The following ZC3H12C variants were observed in gnomAD, a reference collection of about 807,000 sequenced individuals.
ZC3H12C encodes zinc finger CCCH-type containing 12C.
A neutral mutation model predicts 76.3 loss-of-function variants in ZC3H12C; 20 were observed. The observed-to-expected ratio is 0.26, with a 90% confidence interval of 0.18 to 0.38. The LOEUF (loss-of-function observed/expected upper bound fraction) is 0.38, where lower values mean the gene tolerates loss of function less well. Ranked by LOEUF, ZC3H12C falls within the 10% of genes least tolerant of loss-of-function variation. ZC3H12C has a pLI of 1.00. For missense variants in ZC3H12C, 874 were observed against 1,086.5 expected, an observed-to-expected ratio of 0.80 and a Z score of 2.75; for synonymous variants, 352 against 399.6, an observed-to-expected ratio of 0.88 and a Z score of 1.42.
chr11:110,131,859 G>A (rs796512696), intron 1 of ZC3H12C: 8 of 152,348 alleles, frequency 5.3e-5, no homozygotes, highest in African/African-American at 1.9e-4. Context: ...ATATGCATAA[G>A]TCTATTGAAA....
intron 2 of ZC3H12C, among the ~76,000 whole-genome samples, chr11:110,142,372 C>T (rs149087026): frequency 6.8e-4 from 104 of 152,182 alleles, no homozygotes; most frequent in Admixed American, 1.2e-3. Flanking sequence ...AAGTTAATCA[C>T]AGATCTTCAC....
intron 2 of ZC3H12C, among the ~76,000 whole-genome samples, chr11:110,146,231 G>A (rs958169833): frequency 6.6e-6 from 1 of 151,990 alleles, no homozygotes; most frequent in Non-Finnish European, 1.5e-5. Context: ...CTCATGATCC[G>A]CCCGCCTCAG....
Position 110,159,311 on chromosome 11 carries a change from C to G in ZC3H12C, c.969C>G (p.Ser323=). The change falls in exon 4 of 6, where the codon TCC becomes TCG. Residue 323 remains serine, a synonymous_variant. Transcript: ENST00000278590. The part of the protein sequence containing the change: ...EKEKILVFTP[S]RRVQGRRVVC... ...AGAAAATCCTGGTGTTCACGCCATC[C>G]CGGCGAGTCCAGGGGAGGAGAGTGG... is the stretch of plus-strand genomic sequence containing the variant. 2 of 1,613,772 alleles carry G rather than the reference C, an allele frequency of 1.2e-6. No individual in the cohort carries two copies. Among genetic ancestry groups the G allele is most frequent in the South Asian group, 1.1e-5 (1 of 90,956 alleles).
intron 2 of ZC3H12C, among the ~76,000 whole-genome samples, chr11:110,150,391 T>C (rs558099365): frequency 2.2e-4 from 34 of 152,284 alleles, no homozygotes; most frequent in African/African-American, 8.2e-4. Context: ...ATGCCTTTTT[T>C]TAAAGATCTG....
At chr11:110,097,781 T>G (rs1023423937) in intron 1 of ZC3H12C, among the ~76,000 whole-genome samples, 1 of 152,190 alleles carries the variant, frequency 6.6e-6, no homozygotes, top group African/African-American at 2.4e-5. Flanking sequence ...AGACTGCATA[T>G]ATGACAGTGG....
intron 1 of ZC3H12C, among the ~76,000 whole-genome samples, chr11:110,117,827 C>T (rs28491857): frequency 0.078 from 4,167 of 53,684 alleles, 804 homozygotes; most frequent in Admixed American, 0.25. Context: ...TACACACACA[C>T]ATATAATATA....
At chr11:110,156,091 A>C (rs941023423) in intron 3 of ZC3H12C, among the ~76,000 whole-genome samples, 16 of 152,102 alleles carry the variant, frequency 1.1e-4, no homozygotes, top group Admixed American at 2.0e-4. Context: ...TGCTTTATAA[A>C]ATGCCAAACT....
chr11:110,162,729 AC>A (rs1471610506), intron 4 of ZC3H12C, among the ~76,000 whole-genome samples: 1 of 152,220 alleles, frequency 6.6e-6, no homozygotes, highest in Non-Finnish European at 1.5e-5. Flanking sequence ...ATTTATCTAA[AC>A]CTAAATTAGA....
At chr11:110,105,701 T>C (rs190740657) in intron 1 of ZC3H12C, among the ~76,000 whole-genome samples, 19 of 152,296 alleles carry the variant, frequency 1.2e-4, no homozygotes, top group Admixed American at 1.2e-3. Context: ...TTTTTAAAAG[T>C]GTATGCATAT....
rs543476423 is a variant in ZC3H12C at position 110,165,699 on chromosome 11, G to A, written c.2614G>A (p.Ala872Thr). The change falls in exon 6 of 6, where the codon GCA becomes ACA. Residue 872 changes from alanine (A) to threonine (T), a missense_variant. Around this residue, in one of 3 missense-constraint regions of ZC3H12C, gnomAD observed 395 missense variants for 434.4 expected, o/e 0.91. Coordinates refer to ENST00000278590, the MANE Select transcript of ZC3H12C (RefSeq NM_033390.2). ...PHMTDAQQLA[A>T]AILVEKSQLG... ...CATGACAGACGCCCAGCAGCTCGCC[G>A]CAGCCATTTTAGTGGAGAAATCCCA... 2.5e-6 allele frequency: 4 copies of A among 1,592,226 alleles called. No homozygotes were observed. Among genetic ancestry groups the A allele is most frequent in the East Asian group, 2.3e-5 (1 of 44,150 alleles).
At position 110,169,445 on chromosome 11, in the gene ZC3H12C, G is replaced by A. The variant is rs1042111503; in HGVS notation, c.*3708G>A. The stretch of plus-strand genomic sequence containing the variant: ...TGGTATTTACTTTAAAGTATGTTTG[G>A]TTTTCATTATTCTTTTTGCTCTCCA... On this transcript the variant is annotated 3_prime_UTR_variant, in exon 6 of 6. Coordinates refer to ENST00000278590, the MANE Select transcript of ZC3H12C (RefSeq NM_033390.2). The A allele has an allele frequency of 4.7e-5, 7 of 149,072 alleles. No homozygotes were observed. The highest frequency in any genetic ancestry group is 1.0e-4 in the Non-Finnish European group (7 of 67,394). 9.2% of individuals were successfully genotyped at this position (149,072 alleles called of 1,614,324 possible).
At chr11:110,093,672 A>G (rs1221098539) in intron 1 of ZC3H12C, among the ~76,000 whole-genome samples, 1 of 151,696 alleles carries the variant, frequency 6.6e-6, no homozygotes, top group Non-Finnish European at 1.5e-5. Context: ...CCCTCGGGCA[A>G]CGCCGTCCCC....
chr11:110,149,659 C>G (rs1862234670), intron 2 of ZC3H12C, among the ~76,000 whole-genome samples: 1 of 152,148 alleles, frequency 6.6e-6, no homozygotes, highest in Admixed American at 6.5e-5. Flanking sequence ...AACATCTTTT[C>G]CTATGTTCAT....
At chr11:110,136,320 G>A (rs372099189) in intron 1 of ZC3H12C, 15 of 194,646 alleles carry the variant, frequency 7.7e-5, no homozygotes, top group East Asian at 6.8e-4. Flanking sequence ...ATTATAAGCC[G>A]TCCTAAAAGT....
At chr11:110,094,756 C>G (rs1861083466) in intron 1 of ZC3H12C, among the ~76,000 whole-genome samples, 1 of 152,168 alleles carries the variant, frequency 6.6e-6, no homozygotes, top group Non-Finnish European at 1.5e-5. Context: ...CCCTGTTCAC[C>G]TGTTTTCTTC....
rs889362199 is a variant in ZC3H12C at position 110,104,705 on chromosome 11, C to T, written c.21+11273C>T. 2.0e-5 allele frequency among the ~76,000 whole-genome samples: 3 copies of T among 152,256 alleles called. No individual in the cohort carries two copies. In the South Asian group the frequency reaches 6.2e-4, roughly 32 times the overall value. On this transcript the variant is annotated intron_variant, in intron 1 of 5. Coordinates refer to ENST00000278590, the MANE Select transcript of ZC3H12C (RefSeq NM_033390.2). ...ACCTTCAGCGAGAATCTCAATTTAT[C>T]TTTGATTTGTTATCCATCAAACATG...
At chr11:110,142,107 C>T (rs1222819912) in intron 2 of ZC3H12C, among the ~76,000 whole-genome samples, 1 of 152,080 alleles carries the variant, frequency 6.6e-6, no homozygotes, top group African/African-American at 2.4e-5. Context: ...ATCCTTAGAG[C>T]CTATGAAAAG....
intron 1 of ZC3H12C, among the ~76,000 whole-genome samples, chr11:110,096,061 G>A (rs1248746810): frequency 6.6e-6 from 1 of 152,192 alleles, no homozygotes; most frequent in Non-Finnish European, 1.5e-5. Context: ...TGGACCTGCA[G>A]CATATGAAAT....
chr11:110,154,247 C>T (rs1862331636), intron 3 of ZC3H12C, among the ~76,000 whole-genome samples: 1 of 151,870 alleles, frequency 6.6e-6, no homozygotes, highest in South Asian at 2.1e-4. Flanking sequence ...GTGGCATGTG[C>T]TGTGGTCCAG....
Sources: gnomAD v4.1 joint callset for allele counts (sites outside exome capture counted in the v4.1 genomes callset) on GRCh38, gnomAD v4.1.1 for gene constraint, gnomAD v4.1.1 regional missense constraint, MANE v1.5 for transcripts, NCBI Gene and HGNC (gene_info 2026-07-23, HGNC 2026-07-21) for gene names.